The following PSKH1 variants were observed in gnomAD, a reference collection of about 807,000 sequenced individuals.
PSKH1 encodes the protein protein serine kinase H1, also known as serine/threonine-protein kinase H1.
In PSKH1, 12 loss-of-function variants were observed where a neutral mutation model predicts 26.7. The ratio of observed to expected loss-of-function variants is 0.45; its 90% CI spans 0.29 to 0.73. PSKH1 has a LOEUF of 0.73. Among genes scored for constraint, PSKH1 ranks in the 30% least tolerant of loss-of-function variants. The probability of loss-of-function intolerance (pLI) is 0.11; values close to 1 mark genes in which losing one functional copy is unlikely to be tolerated. For synonymous variants in PSKH1, 213 were observed against 234.3 expected (o/e 0.91, Z 0.83); for missense variants, 431 against 595.2 (o/e 0.72, Z 2.87).
chr16:67,909,185 G>A lies in PSKH1; in HGVS notation c.436G>A (p.Val146Met). ...GGAGGTGTGTGAGTCGGAGCTGCGT[G>A]TGCTGCGTCGGGTGCGTCATGCCAA... is the stretch of plus-strand genomic sequence containing the variant. Reference protein sequence around the residue: ...GREVCESELRVLRRVRHANII... With the variant: ...GREVCESELRMLRRVRHANII... The change falls in exon 2 of 3, where the codon GTG becomes ATG. Residue 146 changes from valine to methionine, a missense_variant. Coordinates refer to ENST00000291041, the MANE Select transcript of PSKH1 (RefSeq NM_006742.3). The surrounding 1 kb of genome is among the most constrained non-coding windows in gnomAD (Gnocchi z 7.8). The A allele has an allele frequency of 6.8e-6, 11 of 1,614,178 alleles. No individual in the cohort carries two copies. The highest frequency in any genetic ancestry group is 9.3e-6 in the Non-Finnish European group (11 of 1,180,038).
Position 67,909,661 on chromosome 16 carries a change from G to C in PSKH1, c.912G>C (p.Arg304=). ...CGTTTGAGGATGACAACCGTACCCGGCTGTACCGGCAGATCCTCAGGGGCA... is the reference window on the plus strand; with the variant it reads ...CGTTTGAGGATGACAACCGTACCCGCCTGTACCGGCAGATCCTCAGGGGCA... ...TMPFEDDNRT[R]LYRQILRGKY... is the part of the protein sequence containing the mutation. The change falls in exon 2 of 3, where the codon CGG becomes CGC. Residue 304 remains arginine, a synonymous_variant. Transcript: ENST00000291041. The surrounding 1 kb of genome is among the most constrained non-coding windows in gnomAD (Gnocchi z 7.8). The C allele has an allele frequency of 2.5e-6, 4 of 1,613,520 alleles. No individual in the cohort carries two copies. Among genetic ancestry groups the C allele is most frequent in the Non-Finnish European group, 3.4e-6 (4 of 1,180,020 alleles).
Position 67,927,956 on chromosome 16 carries a change from C to G in PSKH1, c.*314C>G. 3 of 392,356 alleles carry G rather than the reference C, an allele frequency of 7.6e-6. No individual in the cohort carries two copies. Among genetic ancestry groups the G allele is most frequent in the Non-Finnish European group, 9.3e-6 (2 of 214,528 alleles). The allele number at this position is 392,356 out of a possible 1,614,324, so 24.3% of individuals were successfully genotyped here. ...AGGGATAGGACCTGGCCTTCACTGT[C>G]TCCCTTGCCCTTTGACTTTTCCCCA... On this transcript the variant is annotated 3_prime_UTR_variant, in exon 3 of 3. Coordinates refer to ENST00000291041, the MANE Select transcript of PSKH1 (RefSeq NM_006742.3). The surrounding 1 kb of genome is among the most constrained non-coding windows in gnomAD (Gnocchi z 5.5).
At chr16:67,923,226 G>A (rs7196925) in intron 2 of PSKH1, among the ~76,000 whole-genome samples, 4,565 of 152,180 alleles carry the variant, frequency 0.03, 199 homozygotes, top group African/African-American at 0.1. Flanking sequence ...GGAAGAGGTC[G>A]CTTCCCATAC....
chr16:67,917,154 A>G (rs892337393), intron 2 of PSKH1, among the ~76,000 whole-genome samples: 4 of 152,160 alleles, frequency 2.6e-5, no homozygotes, highest in South Asian at 2.1e-4. Flanking sequence ...TCTCCAATCT[A>G]TGACAACCCT....
chr16:67,922,974 G>A (rs1266620543), intron 2 of PSKH1, among the ~76,000 whole-genome samples: 1 of 152,230 alleles, frequency 6.6e-6, no homozygotes, highest in Non-Finnish European at 1.5e-5. Flanking sequence ...TTAGCCCTTA[G>A]GCTCCAGGTG....
intron 2 of PSKH1, chr16:67,910,215 A>G (rs2058169666): frequency 5.7e-6 from 1 of 175,432 alleles, no homozygotes; most frequent in African/African-American, 2.4e-5. Flanking sequence ...TGCTAGAGAA[A>G]GTCTTCAGGC....
intron 1 of PSKH1, among the ~76,000 whole-genome samples, chr16:67,897,370 GTACA>G (rs544796713): frequency 3.0e-4 from 46 of 152,138 alleles, no homozygotes; most frequent in Non-Finnish European, 5.7e-4. Flanking sequence ...CTAATTCTTG[GTACA>G]GCCCTCTGTT....
Position 67,915,123 on chromosome 16 carries a change from GTTC to G in PSKH1, c.957+5422_957+5424del, listed in dbSNP as rs1367416636. Reference sequence around the variant, plus strand: ...AAAGACTGGGTCCTTAGATTCTGTTGTTCTTCTGCTGGAATCACAGGGCAGGAC... The same window carrying G: ...AAAGACTGGGTCCTTAGATTCTGTTGTTCTGCTGGAATCACAGGGCAGGAC... On this transcript the variant is annotated intron_variant, in intron 2 of 2. Transcript: ENST00000291041. Among the ~76,000 whole-genome samples the G allele has an allele frequency of 4.6e-5, 7 of 152,054 alleles. 1 individual carries two copies. Among genetic ancestry groups the G allele is most frequent in the Non-Finnish European group, 7.4e-5 (5 of 68,016 alleles).
At chr16:67,921,345 G>A (rs2058201862) in intron 2 of PSKH1, among the ~76,000 whole-genome samples, 1 of 152,052 alleles carries the variant, frequency 6.6e-6, no homozygotes, top group Non-Finnish European at 1.5e-5. Flanking sequence ...GGAGGCCGAG[G>A]CGGGCAGATC....
chr16:67,924,078 TG>T (rs2058210046), intron 2 of PSKH1, among the ~76,000 whole-genome samples: 1 of 152,228 alleles, frequency 6.6e-6, no homozygotes, highest in Non-Finnish European at 1.5e-5. Context: ...CACTGTCAGC[TG>T]GATGAGGACC....
intron 1 of PSKH1, chr16:67,903,284 G>A (rs1186399206): frequency 6.6e-6 from 1 of 151,950 alleles, no homozygotes; most frequent in Non-Finnish European, 1.5e-5. Context: ...TAAGTAGCTG[G>A]GATCACAGGC....
In PSKH1 at chr16:67,927,462, G is replaced by T; in HGVS notation, c.1095G>T (p.Lys365Asn). ...VVSMAASSSM[K>N]NLHRSISQNL... is the part of the protein sequence containing the mutation. ...GCATGGCTGCCTCTTCATCCATGAA[G>T]AACCTGCACCGCTCCATATCCCAGA... is the stretch of plus-strand genomic sequence containing the variant. The change falls in exon 3 of 3, where the codon AAG (lysine) becomes AAT (asparagine). Residue 365 changes from lysine (K) to asparagine (N), a missense_variant. Physicochemically the swap from Lys to Asn is moderately conservative, Grantham distance 94 (BLOSUM62 0). Transcript: ENST00000291041. This position sits in a 1 kb window ranked among gnomAD's most constrained non-coding sequence, Gnocchi z 5.5. The T allele has an allele frequency of 6.2e-7, 1 of 1,614,214 alleles. No individual in the cohort carries two copies. The highest frequency in any genetic ancestry group is 1.1e-5 in the South Asian group (1 of 91,088).
At chr16:67,894,921 GTTTTTT>G (rs553685060) in intron 1 of PSKH1, among the ~76,000 whole-genome samples, 1 of 123,084 alleles carries the variant, frequency 8.1e-6, no homozygotes, top group African/African-American at 3.1e-5. Flanking sequence ...GTCTGAGTTA[GTTTTTT>G]TTTTTTTTTT....
intron 1 of PSKH1, among the ~76,000 whole-genome samples, chr16:67,899,224 G>A (rs983473441): frequency 9.9e-5 from 15 of 152,142 alleles, no homozygotes; most frequent in African/African-American, 1.9e-4. Flanking sequence ...TTTACAGGGT[G>A]TCCAAAGAGT....
At chr16:67,893,901 A>G (rs2058119110) in intron 1 of PSKH1, among the ~76,000 whole-genome samples, 1 of 152,122 alleles carries the variant, frequency 6.6e-6, no homozygotes, top group Admixed American at 6.6e-5. Flanking sequence ...CCCCACACTT[A>G]GTCCCCCTCC....
chr16:67,926,578 T>C (rs980768648), intron 2 of PSKH1, among the ~76,000 whole-genome samples: 1 of 152,106 alleles, frequency 6.6e-6, no homozygotes, highest in Non-Finnish European at 1.5e-5. Flanking sequence ...GGGGCTGAGA[T>C]GAGGCAGCCC....
rs771445034 is a variant in PSKH1, at chr16:67,908,729, G to A, written c.-21G>A. 8.0e-5 allele frequency: 124 copies of A among 1,556,900 alleles called. No individual in the cohort carries two copies. Among genetic ancestry groups the A allele is most frequent in the Non-Finnish European group, 1.0e-4 (115 of 1,147,680 alleles). Reference sequence around the variant, plus strand: ...AGCAGGTCCTGCCAGCCTCGCTGGAGAGGATGCCCTCGTGTCCGTGATGGG... The same window carrying A: ...AGCAGGTCCTGCCAGCCTCGCTGGAAAGGATGCCCTCGTGTCCGTGATGGG... On this transcript the variant is annotated 5_prime_UTR_variant, in exon 2 of 3. Coordinates refer to ENST00000291041, the MANE Select transcript of PSKH1 (RefSeq NM_006742.3).
chr16:67,896,231 C>T (rs1281780378), intron 1 of PSKH1, among the ~76,000 whole-genome samples: 3 of 152,048 alleles, frequency 2.0e-5, no homozygotes, highest in African/African-American at 4.8e-5. Context: ...GTCTCAGCCT[C>T]CTCAGTAGCT....
chr16:67,911,686 C>CA (rs1217087238), intron 2 of PSKH1, among the ~76,000 whole-genome samples: 9 of 150,890 alleles, frequency 6.0e-5, no homozygotes, highest in South Asian at 2.1e-4. Flanking sequence ...CTGTCCCCCC[C>CA]AAAAAAAAAG....
Sources: allele counts gnomAD v4.1 joint callset (sites outside exome capture counted in the v4.1 genomes callset), GRCh38; gene constraint gnomAD v4.1.1; non-coding constraint Gnocchi (gnomAD v3.1); transcripts MANE v1.5; gene names NCBI Gene and HGNC (gene_info 2026-07-23, HGNC 2026-07-21).